The following DACH2 variants were observed in gnomAD, a reference collection of about 807,000 sequenced individuals.
DACH2 encodes the protein dachshund homolog 2.
DACH2 carries 17 observed loss-of-function variants against 35.8 expected under a neutral mutation model. The observed-to-expected ratio is 0.48, with a 90% CI of 0.33 to 0.71. The LOEUF is 0.71. Among genes scored for constraint, DACH2 ranks in the 30% least tolerant of loss-of-function variants. DACH2 has a pLI of 0.02. For synonymous variants in DACH2, 195 were observed against 177.3 expected, an observed-to-expected ratio of 1.10 and a Z score of -0.79; for missense variants, 469 against 472.7, an observed-to-expected ratio of 0.99 and a Z score of 0.07.
intron 1 of DACH2, among the ~76,000 whole-genome samples, chrX:86,238,161 C>A (rs2033093667): frequency 8.9e-6 from 1 of 112,254 alleles, no homozygotes; most frequent in East Asian, 2.8e-4. Context: ...TAACCCTAAT[C>A]ACTCTTTTTA....
chrX:86,603,112 G>T, intron 3 of DACH2, among the ~76,000 whole-genome samples: 1 of 111,124 alleles, frequency 9.0e-6, no homozygotes, highest in Admixed American at 9.6e-5. Flanking sequence ...GGTTGTGAGT[G>T]AATGGTCTAC....
chrX:86,815,795 T>TA (rs995357155), intron 10 of DACH2, among the ~76,000 whole-genome samples: 5 of 107,191 alleles, frequency 4.7e-5, no homozygotes, highest in African/African-American at 1.0e-4. Context: ...TTTTAAAGAA[T>TA]AAAAAAAATA....
chrX:86,641,578 C>T (rs1221034216), intron 3 of DACH2, among the ~76,000 whole-genome samples: 2 of 111,651 alleles, frequency 1.8e-5, no homozygotes, highest in Non-Finnish European at 3.8e-5. Flanking sequence ...GAGAGGCCAA[C>T]AGTCAAATTC....
chrX:86,684,127 T>G (rs2040914820), intron 4 of DACH2, among the ~76,000 whole-genome samples: 1 of 111,486 alleles, frequency 9.0e-6, no homozygotes, highest in African/African-American at 3.3e-5. Flanking sequence ...CAAGAAAACT[T>G]TCTGTGTGAG....
chrX:86,705,028 T>TTATA (rs746696661), intron 5 of DACH2, among the ~76,000 whole-genome samples: 3 of 34,921 alleles, frequency 8.6e-5, no homozygotes, highest in African/African-American at 4.8e-4. Context: ...ACAGAAATTG[T>TTATA]TATATATATA....
At chrX:86,169,197 C>T (rs1280211423) in intron 1 of DACH2, among the ~76,000 whole-genome samples, 1 of 111,204 alleles carries the variant, frequency 9.0e-6, no homozygotes, top group Non-Finnish European at 1.9e-5. Context: ...AGCATTTTTC[C>T]TTCAGCCCTT....
intron 3 of DACH2, among the ~76,000 whole-genome samples, chrX:86,530,737 A>G (rs2038707098): frequency 8.9e-6 from 1 of 112,307 alleles, no homozygotes; most frequent in South Asian, 3.7e-4. Flanking sequence ...GAAAATGTGG[A>G]AACAACTTTG....
chrX:86,376,913 G>A (rs1569368913), intron 2 of DACH2, 51 bp downstream of exon 2: 8 of 537,170 alleles, frequency 1.5e-5, no homozygotes, highest in Non-Finnish European at 2.2e-5. Context: ...ATGTCCTGGA[G>A]CCTGTACAGA....
intron 1 of DACH2, among the ~76,000 whole-genome samples, chrX:86,279,891 A>T (rs1227087493): frequency 1.8e-5 from 2 of 108,573 alleles, no homozygotes; most frequent in African/African-American, 6.7e-5. Flanking sequence ...TCAATAGCTG[A>T]ATTGATCAAG....
intron 2 of DACH2, among the ~76,000 whole-genome samples, chrX:86,410,362 T>G (rs926837618): frequency 4.5e-5 from 5 of 112,189 alleles, no homozygotes; most frequent in African/African-American, 1.6e-4. Flanking sequence ...ATGACAGCTT[T>G]CTTTAAAAAA....
chrX:86,570,959 A>G (rs1264337852), intron 3 of DACH2, among the ~76,000 whole-genome samples: 1 of 111,248 alleles, frequency 9.0e-6, no homozygotes, highest in Non-Finnish European at 1.9e-5. Flanking sequence ...ATTACATTAT[A>G]TCAAATTTTT....
At chrX:86,480,566 T>C (rs753258165) in intron 2 of DACH2, among the ~76,000 whole-genome samples, 1 of 111,915 alleles carries the variant, frequency 8.9e-6, no homozygotes, top group Non-Finnish European at 1.9e-5. Flanking sequence ...GAGTGGCAAG[T>C]TCCCCCAGGC....
chrX:86,415,554 T>A (rs1275664364), intron 2 of DACH2, among the ~76,000 whole-genome samples: 1 of 112,255 alleles, frequency 8.9e-6, no homozygotes, highest in Non-Finnish European at 1.9e-5. Context: ...GAGATTATCT[T>A]GCCTTGGTGT....
intron 2 of DACH2, among the ~76,000 whole-genome samples, chrX:86,431,122 A>AT (rs1249636122): frequency 1.8e-5 from 2 of 111,273 alleles, no homozygotes; most frequent in African/African-American, 6.5e-5. Flanking sequence ...ATGTGTAGTG[A>AT]TTTTTTTATG....
chrX:86,403,439 C>T (rs2036470102), intron 2 of DACH2, among the ~76,000 whole-genome samples: 1 of 111,847 alleles, frequency 8.9e-6, no homozygotes, highest in African/African-American at 3.3e-5. Flanking sequence ...AATCACTAAT[C>T]ATCAGAGAAG....
chrX:86,687,597 GT>G (rs2040961120), intron 4 of DACH2, among the ~76,000 whole-genome samples: 1 of 111,465 alleles, frequency 9.0e-6, no homozygotes, highest in South Asian at 3.8e-4. Flanking sequence ...GCAAACGTAT[GT>G]TTATCGTGGC....
At chrX:86,297,945 G>T (rs1219821397) in intron 1 of DACH2, among the ~76,000 whole-genome samples, 1 of 111,819 alleles carries the variant, frequency 8.9e-6, no homozygotes, top group Non-Finnish European at 1.9e-5. Context: ...GTTACTCTAA[G>T]AATGACATAT....
chrX:86,701,696 T>C (rs770368474), intron 5 of DACH2, among the ~76,000 whole-genome samples: 1 of 111,736 alleles, frequency 8.9e-6, no homozygotes, highest in African/African-American at 3.3e-5. Flanking sequence ...TAAAACAGAA[T>C]TAGATCCTGT....
chrX:86,452,264 C>A (rs1241737547), intron 2 of DACH2, among the ~76,000 whole-genome samples: 2 of 111,785 alleles, frequency 1.8e-5, no homozygotes, highest in African/African-American at 6.5e-5. Context: ...CAATGTTCAT[C>A]AAGTATATTG....
Sources: gnomAD v4.1 joint callset for allele counts (sites outside exome capture counted in the v4.1 genomes callset) on GRCh38, gnomAD v4.1.1 for gene constraint, MANE v1.5 for transcripts, NCBI Gene and HGNC (gene_info 2026-07-23, HGNC 2026-07-21) for gene names.